The following INSL6 variants were observed in gnomAD, a reference collection of about 807,000 sequenced individuals.
INSL6 encodes the protein insulin like 6.
Under a neutral mutation model 9.4 loss-of-function variants are expected in INSL6, and 16 were observed. The ratio of observed to expected loss-of-function variants is 1.70; its 90% CI spans 1.15 to 2.59. The LOEUF (loss-of-function observed/expected upper bound fraction) is 2.59, where lower values mean the gene tolerates loss of function less well. Among genes scored for constraint, INSL6 ranks in the 30% most tolerant of loss-of-function variants. The pLI is 0.00. For missense variants in INSL6, 391 were observed against 257.3 expected (o/e 1.52, Z -3.56); for synonymous variants, 154 against 96.9 (o/e 1.59, Z -3.46).
the INSL6 span, chr9:5,044,422 T>C: frequency 1.2e-6 from 2 of 1,611,156 alleles, no homozygotes; most frequent in Non-Finnish European, 1.7e-6. Context: ...TCCTCGTTGG[T>C]ATTGCAGTGG....
At chr9:5,003,016 T>G in the INSL6 span, among the ~76,000 whole-genome samples, 1 of 151,996 alleles carries the variant, frequency 6.6e-6, no homozygotes, top group African/African-American at 2.4e-5. Context: ...TGAAATGCAA[T>G]GGCACATCTG....
the INSL6 span, among the ~76,000 whole-genome samples, chr9:5,024,533 T>C: frequency 6.6e-6 from 1 of 152,104 alleles, no homozygotes; most frequent in African/African-American, 2.4e-5. Flanking sequence ...GGGTCTTTTC[T>C]TCTAAGTTCT....
At chr9:5,094,402 A>T in the INSL6 span, 2 of 152,154 alleles carry the variant, frequency 1.3e-5, no homozygotes, top group African/African-American at 4.8e-5. Flanking sequence ...AGCCACATCA[A>T]GCCTAGCAGT....
chr9:5,001,391 CATG>C, the INSL6 span, among the ~76,000 whole-genome samples: 2 of 152,138 alleles, frequency 1.3e-5, no homozygotes, highest in South Asian at 4.1e-4. Context: ...GAAATTTTAT[CATG>C]AATTGGTGTT....
intron 2 of INSL6, among the ~76,000 whole-genome samples, chr9:5,137,234 CTT>C (rs889616243): frequency 5.3e-5 from 8 of 152,124 alleles, no homozygotes; most frequent in African/African-American, 1.9e-4. Context: ...ATCAAGCTAC[CTT>C]TGACTTTCTT....
the INSL6 span, among the ~76,000 whole-genome samples, chr9:4,998,908 G>A: frequency 1.3e-5 from 2 of 151,876 alleles, no homozygotes; most frequent in African/African-American, 2.4e-5. Context: ...TGCAAGCTCC[G>A]CCTCCCGGGT....
At chr9:5,066,984 A>G in the INSL6 span, among the ~76,000 whole-genome samples, 1 of 152,136 alleles carries the variant, frequency 6.6e-6, no homozygotes, top group Admixed American at 6.5e-5. Flanking sequence ...ATAAAAATAT[A>G]AAATAATTTA....
intron 3 of INSL6, among the ~76,000 whole-genome samples, chr9:5,130,570 T>A (rs1824253948): frequency 6.6e-6 from 1 of 152,290 alleles, no homozygotes; most frequent in African/African-American, 2.4e-5. Flanking sequence ...AACACAGTTG[T>A]ATACATAGAT....
the INSL6 span, among the ~76,000 whole-genome samples, chr9:5,002,675 T>A: frequency 6.6e-6 from 1 of 152,028 alleles, no homozygotes; most frequent in Admixed American, 6.6e-5. Flanking sequence ...TCATTATTTT[T>A]ACTGATTAAA....
chr9:5,097,872 T>A, the INSL6 span: 1 of 152,230 alleles, frequency 6.6e-6, no homozygotes, highest in East Asian at 1.9e-4. Flanking sequence ...GGTTATATGC[T>A]TAATCAGACC....
chr9:5,078,318 C>T, the INSL6 span: 4 of 1,611,722 alleles, frequency 2.5e-6, no homozygotes, highest in East Asian at 2.2e-5. Flanking sequence ...AGAAAACACC[C>T]TTATTCATGG....
intron 2 of INSL6, among the ~76,000 whole-genome samples, chr9:5,150,896 C>T (rs528867210): frequency 1.3e-5 from 2 of 150,646 alleles, no homozygotes; most frequent in Middle Eastern, 3.4e-3. Context: ...GGAATACTAC[C>T]CAGCCATAAA....
At chr9:5,114,409 G>A in the INSL6 span, 5 of 502,416 alleles carry the variant, frequency 1.0e-5, no homozygotes, top group African/African-American at 3.9e-5. Context: ...ACCAGAGACT[G>A]GATCAAGGGG....
At chr9:5,127,401 T>A (rs1824070227) in intron 3 of INSL6, 1 of 231,818 alleles carries the variant, frequency 4.3e-6, no homozygotes, top group African/African-American at 2.2e-5. Context: ...TAGTTCCATG[T>A]ACTGTAAATA....
chr9:5,173,931 A>G (rs1436244719), intron 1 of INSL6, among the ~76,000 whole-genome samples: 1 of 152,200 alleles, frequency 6.6e-6, no homozygotes, highest in African/African-American at 2.4e-5. Context: ...ATGCAATCTG[A>G]AAAAGAACTT....
At chr9:5,051,509 C>A in the INSL6 span, among the ~76,000 whole-genome samples, 1 of 152,090 alleles carries the variant, frequency 6.6e-6, no homozygotes, top group Non-Finnish European at 1.5e-5. Context: ...TTGAAGCCCA[C>A]AAATATGAAT....
the INSL6 span, among the ~76,000 whole-genome samples, chr9:5,017,850 C>G: frequency 6.6e-6 from 1 of 152,082 alleles, no homozygotes; most frequent in African/African-American, 2.4e-5. Flanking sequence ...TTGTTATATC[C>G]TCTTGATGAA....
the INSL6 span, chr9:5,099,143 T>A: frequency 2.0e-5 from 3 of 151,944 alleles, no homozygotes; most frequent in Non-Finnish European, 4.4e-5. Context: ...TCATGAACTA[T>A]CCCCTTATTA....
At chr9:5,054,416 G>C in the INSL6 span, 3 of 605,064 alleles carry the variant, frequency 5.0e-6, no homozygotes, top group East Asian at 8.3e-5. This position sits in a 1 kb window ranked among gnomAD's most constrained non-coding sequence, Gnocchi z 4.9. Flanking sequence ...GTATGGATGG[G>C]GGTTATGTCA....
Sources: allele counts gnomAD v4.1 joint callset (sites outside exome capture counted in the v4.1 genomes callset), GRCh38; gene constraint gnomAD v4.1.1; non-coding constraint Gnocchi (gnomAD v3.1); transcripts MANE v1.5; gene names NCBI Gene and HGNC (gene_info 2026-07-23, HGNC 2026-07-21).